Variants in MYO7B observed in about 807,000 individuals in gnomAD.
The protein encoded by MYO7B is unconventional myosin-VIIb.
MYO7B carries 212 observed loss-of-function variants against 259.7 expected under a neutral mutation model. The observed-to-expected ratio is 0.82, with a 90% CI of 0.73 to 0.91. The LOEUF is 0.91. MYO7B is among the 40% of genes least tolerant of loss of function. The pLI is 0.00. For missense variants in MYO7B, 2,732 were observed against 2,813.5 expected (o/e 0.97, Z 0.66); for synonymous variants, 1,197 against 1,166.4 (o/e 1.03, Z -0.54).
At chr2:127,555,196 C>T (rs11693449) in intron 1 of MYO7B, among the ~76,000 whole-genome samples, 17,660 of 152,194 alleles carry the variant, frequency 0.12, 1,362 homozygotes, top group South Asian at 0.3. Context: ...ACCCACTCGC[C>T]TTGGCCTCCC....
chr2:127,587,734 A>G (rs1679358953), intron 14 of MYO7B, among the ~76,000 whole-genome samples: 1 of 151,868 alleles, frequency 6.6e-6, no homozygotes, highest in Non-Finnish European at 1.5e-5. Context: ...ATGCCTGGCT[A>G]ACTTTTGTAT....
In MYO7B at chr2:127,566,653, G is replaced by C. The variant is rs1420187045; in HGVS notation, c.296G>C (p.Gly99Ala). 7 of 1,588,256 alleles carry C rather than the reference G, an allele frequency of 4.4e-6. No individual in the cohort carries two copies. The highest frequency in any genetic ancestry group is 2.7e-5 in the African/African-American group (2 of 74,430). ...CTGCTTCCTTCCCAGACATACACAGGCTCCATCCTGGTGGCCGTCAACCCG... is the reference window on the plus strand; with the variant it reads ...CTGCTTCCTTCCCAGACATACACAGCCTCCATCCTGGTGGCCGTCAACCCG... Reference protein sequence around the residue: ...YQQHKIYTYTGSILVAVNPFQ... With the variant: ...YQQHKIYTYTASILVAVNPFQ... Residue 99 changes from glycine to alanine, a missense_variant, in exon 5 of 48, where the codon GGC (glycine) becomes GCC (alanine). Transcript: ENST00000409816.
Position 127,559,728 on chromosome 2 carries a change from G to A in MYO7B, c.6G>A (p.Ser2=), listed in dbSNP as rs189648068. 3.2e-4 allele frequency: 521 copies of A among 1,613,954 alleles called. 1 individual carries two copies. The highest frequency in any genetic ancestry group is 1.0e-3 in the Admixed American group (62 of 60,018). M[S]GFRLGDHVWL... ...TGTGGAACTGCTGACTCAGGATGTC[G>A]GGGTTCAGGCTGGTAAGAATTGTAT... The change falls in exon 2 of 48, where the codon TCG becomes TCA. Residue 2 remains serine (S), a synonymous_variant. Transcript: ENST00000409816. This position sits in a 1 kb window ranked among gnomAD's most constrained non-coding sequence, Gnocchi z 4.1.
At chr2:127,567,475 G>C (rs1678402598) in intron 5 of MYO7B, among the ~76,000 whole-genome samples, 2 of 152,176 alleles carry the variant, frequency 1.3e-5, no homozygotes, top group African/African-American at 4.8e-5. Flanking sequence ...CTCTCTACCA[G>C]TGACCACAGA....
chr2:127,593,677 C>A, intron 18 of MYO7B, 33 bp downstream of exon 18: 1 of 1,593,984 alleles, frequency 6.3e-7, no homozygotes, highest in African/African-American at 1.3e-5. Context: ...AGCTGTCGGC[C>A]TCCTGCAGCA....
chr2:127,633,085 C>T (rs959797103), intron 39 of MYO7B, among the ~76,000 whole-genome samples, 173 bp from the exon 40 acceptor site: 8 of 152,222 alleles, frequency 5.3e-5, no homozygotes, highest in Admixed American at 3.3e-4. Flanking sequence ...CCTCTGAGGC[C>T]GCGTGGAGCC....
At chr2:127,593,006 C>T in intron 17 of MYO7B, 60 bp downstream of exon 17, 1 of 795,728 alleles carries the variant, frequency 1.3e-6, no homozygotes, top group Non-Finnish European at 1.9e-6. Context: ...TCGGCCTTGG[C>T]ACCTCCAGCC....
At chr2:127,566,453 T>A (rs1193779241) in intron 4 of MYO7B, among the ~76,000 whole-genome samples, 190 bp from the exon 5 acceptor site, 1 of 152,236 alleles carries the variant, frequency 6.6e-6, no homozygotes, top group East Asian at 1.9e-4. Context: ...GGATATCCCA[T>A]CTTCCCAGAG....
chr2:127,634,123 C>CA, intron 40 of MYO7B, 53 bp from the exon 41 acceptor site: 1 of 1,411,426 alleles, frequency 7.1e-7, no homozygotes, highest in East Asian at 2.5e-5. Flanking sequence ...TCATCCTGGG[C>CA]TGTACTGGCC....
rs968891673 is a variant in MYO7B, at chr2:127,596,595, G to A, written c.2339+39G>A. ...CCCAAGGCCCACCCAGCCTACTCCT[G>A]CCCACAGTGTCCCCACACAGGCCTG... On this transcript the variant is annotated intron_variant, in intron 19 of 47. Transcript: ENST00000409816. The A allele has an allele frequency of 3.3e-6, 5 of 1,515,702 alleles. No homozygotes were observed. In the African/African-American group the frequency reaches 5.5e-5, roughly 17 times the overall value. 93.9% of individuals were successfully genotyped at this position (1,515,702 alleles called of 1,614,324 possible).
At position 127,637,456 on chromosome 2, in the gene MYO7B, A is replaced by C. The variant is rs1016120779; in HGVS notation, c.*39A>C. On this transcript the variant is annotated 3_prime_UTR_variant, in exon 48 of 48. Coordinates refer to ENST00000409816, the MANE Select transcript of MYO7B (RefSeq NM_001393586.1). ...CGTGTCTGCTCAGGCGCCCTTCCCG[A>C]CCTCTAGCCTGGCGGCACCTTCCCA... 4 of 1,425,452 alleles carry C rather than the reference A, an allele frequency of 2.8e-6. No homozygotes were observed. The African/African-American group carries it at 5.8e-5, about 21-fold the overall frequency. 88.3% of individuals were successfully genotyped at this position (1,425,452 alleles called of 1,614,324 possible).
rs1167873500 is a variant in MYO7B, at chr2:127,585,400, T to C, written c.1690+487T>C. Among the ~76,000 whole-genome samples the C allele has an allele frequency of 6.6e-6, 1 of 152,246 alleles. No individual in the cohort carries two copies. On this transcript the variant is annotated intron_variant, in intron 14 of 47. Coordinates refer to ENST00000409816, the MANE Select transcript of MYO7B (RefSeq NM_001393586.1). This position sits in a 1 kb window ranked among gnomAD's most constrained non-coding sequence, Gnocchi z 4.3. ...ATCATGTTTTCAAGGTTCATCTATG[T>C]TGTAGTACGTGTCAGTGCTCCATGT... is the stretch of plus-strand genomic sequence containing the variant.
chr2:127,600,526 A>G (rs1679926516), intron 19 of MYO7B, among the ~76,000 whole-genome samples: 1 of 152,230 alleles, frequency 6.6e-6, no homozygotes, highest in African/African-American at 2.4e-5. Context: ...CCTGGCCAAC[A>G]TGGCGAAACC....
chr2:127,594,983 C>G (rs908965617), intron 18 of MYO7B, among the ~76,000 whole-genome samples: 1 of 152,126 alleles, frequency 6.6e-6, no homozygotes, highest in African/African-American at 2.4e-5. Context: ...TGCTGCTGGC[C>G]TCATAGAATG....
chr2:127,582,694 T>C (rs986866776), intron 12 of MYO7B, among the ~76,000 whole-genome samples: 11 of 152,068 alleles, frequency 7.2e-5, no homozygotes, highest in African/African-American at 2.7e-4. Flanking sequence ...GGCCACCTGC[T>C]GTCCTCATGA....
At chr2:127,625,606 C>G (rs1318899615) in intron 31 of MYO7B, 71 bp downstream of exon 31, 2 of 1,421,380 alleles carry the variant, frequency 1.4e-6, no homozygotes, top group East Asian at 5.3e-5. Flanking sequence ...TCATGGTATA[C>G]AGAGGAGATG....
At chr2:127,617,858 T>TTTG (rs2105061836) in intron 26 of MYO7B, among the ~76,000 whole-genome samples, 1 of 150,780 alleles carries the variant, frequency 6.6e-6, no homozygotes, top group South Asian at 2.1e-4. Context: ...GGCTTTAGTT[T>TTTG]TTTTTTTTTT....
intron 29 of MYO7B, 30 bp downstream of exon 29, chr2:127,623,405 GCCTCCCTCATACAC>G (rs1680936841): frequency 6.5e-7 from 1 of 1,528,608 alleles, no homozygotes; most frequent in Admixed American, 1.9e-5. Flanking sequence ...CCCGTCAGCC[GCCTCCCTCATACAC>G]CCAGGGAGAG....
Position 127,636,437 on chromosome 2 carries a change from G to A in MYO7B, c.6124-108G>A. ...CTTGGGTGGGGCTGGCCGTGAGGCTGGAGGGCGTGGGTGTATGTGTGTATG... is the reference window on the plus strand; with the variant it reads ...CTTGGGTGGGGCTGGCCGTGAGGCTAGAGGGCGTGGGTGTATGTGTGTATG... On this transcript the variant is annotated intron_variant, in intron 45 of 47. Transcript: ENST00000409816. The surrounding 1 kb of genome is among the most constrained non-coding windows in gnomAD (Gnocchi z 4.5). The A allele has an allele frequency of 1.4e-6, 2 of 1,418,182 alleles. No individual in the cohort carries two copies. Among genetic ancestry groups the A allele is most frequent in the Non-Finnish European group, 2.0e-6 (2 of 1,017,682 alleles). 87.8% of individuals were successfully genotyped at this position (1,418,182 alleles called of 1,614,324 possible). A position where few individuals can be genotyped will look rare whatever the true frequency, so the allele number is the denominator to read the frequency against.
Sources: gnomAD v4.1 joint callset for allele counts (sites outside exome capture counted in the v4.1 genomes callset) on GRCh38, gnomAD v4.1.1 for gene constraint, Gnocchi (gnomAD v3.1) non-coding constraint, MANE v1.5 for transcripts, NCBI Gene and HGNC (gene_info 2026-07-23, HGNC 2026-07-21) for gene names.